The following FGF14 variants were observed in gnomAD, a reference collection of about 807,000 sequenced individuals.
FGF14 encodes the protein fibroblast growth factor homologous factor 4.
In FGF14, 5 loss-of-function variants were observed where a neutral mutation model predicts 25.5. The observed-to-expected ratio is 0.20, with a 90% confidence interval of 0.10 to 0.41. The LOEUF (loss-of-function observed/expected upper bound fraction) is 0.41, where lower values mean the gene tolerates loss of function less well. Ranked by LOEUF, FGF14 falls within the 10% of genes least tolerant of loss-of-function variation. The pLI, the probability that FGF14 is intolerant of heterozygous loss-of-function variation, is 1.00. For synonymous variants in FGF14, 138 were observed against 118.3 expected (o/e 1.17, Z -1.08); for missense variants, 222 against 320.1 (o/e 0.69, Z 2.34).
chr13:101,861,733 C>A (rs562649691), intron 3 of FGF14, among the ~76,000 whole-genome samples: 5 of 152,008 alleles, frequency 3.3e-5, no homozygotes, highest in Non-Finnish European at 7.4e-5. Context: ...CATACACACA[C>A]GCACATTATC....
chr13:102,191,651 T>C (rs1484421139), intron 1 of FGF14, among the ~76,000 whole-genome samples: 2 of 152,192 alleles, frequency 1.3e-5, no homozygotes, highest in Non-Finnish European at 2.9e-5. Flanking sequence ...ACCCCCAAGA[T>C]GTCCTTCTCA....
At chr13:101,924,147 T>A (rs935596950) in intron 1 of FGF14, among the ~76,000 whole-genome samples, 5 of 152,066 alleles carry the variant, frequency 3.3e-5, no homozygotes, top group East Asian at 1.9e-4. Flanking sequence ...ATTACTCAAT[T>A]TCCAAGAAAG....
intron 1 of FGF14, among the ~76,000 whole-genome samples, chr13:102,025,521 G>C (rs992015073): frequency 2.0e-5 from 3 of 151,910 alleles, no homozygotes; most frequent in African/African-American, 7.3e-5. Context: ...TGATTCTCAT[G>C]CTTCAGCCTT....
At chr13:102,266,819 T>C (rs2141141285) in intron 1 of FGF14, among the ~76,000 whole-genome samples, 1 of 152,022 alleles carries the variant, frequency 6.6e-6, no homozygotes, top group Non-Finnish European at 1.5e-5. Context: ...CTGAAATCAG[T>C]AAGAAAGGTA....
chr13:102,328,379 T>C (rs912409896), intron 1 of FGF14, among the ~76,000 whole-genome samples: 7 of 152,232 alleles, frequency 4.6e-5, no homozygotes, highest in African/African-American at 1.7e-4. Flanking sequence ...CTAAAATAGG[T>C]GAATTTGTCT....
chr13:102,064,508 G>GA (rs1360247374), intron 1 of FGF14, among the ~76,000 whole-genome samples: 2 of 151,412 alleles, frequency 1.3e-5, no homozygotes, highest in African/African-American at 2.4e-5. Context: ...ATGGAAATTT[G>GA]AAAAAACAAA....
chr13:101,726,862 G>A (rs1355008109), intron 3 of FGF14, 52 bp from the exon 4 acceptor site: 1 of 1,349,236 alleles, frequency 7.4e-7, no homozygotes. Flanking sequence ...GATCTTCACT[G>A]TACATTCTAC....
chr13:102,074,454 C>CATT (rs1381493122), intron 1 of FGF14, among the ~76,000 whole-genome samples: 2 of 152,206 alleles, frequency 1.3e-5, no homozygotes, highest in African/African-American at 2.4e-5. Flanking sequence ...TACAACTATT[C>CATT]ATTAAACAAG....
At chr13:102,369,601 T>G (rs2057817000) in intron 1 of FGF14, among the ~76,000 whole-genome samples, 1 of 152,168 alleles carries the variant, frequency 6.6e-6, no homozygotes, top group South Asian at 2.1e-4. Flanking sequence ...CCTTACCTGT[T>G]CAAGGTTATC....
chr13:102,370,831 G>C (rs893244163), intron 1 of FGF14, among the ~76,000 whole-genome samples: 2 of 151,330 alleles, frequency 1.3e-5, no homozygotes, highest in Non-Finnish European at 2.9e-5. Flanking sequence ...TTTGTTAGGA[G>C]AGAAACCCTG....
intron 1 of FGF14, among the ~76,000 whole-genome samples, chr13:102,132,034 G>A (rs547995700): frequency 1.3e-5 from 2 of 151,510 alleles, no homozygotes; most frequent in African/African-American, 2.4e-5. Flanking sequence ...TTTTGTTTTG[G>A]TTTTTTTTGC....
At chr13:101,894,183 A>G (rs2030251570) in intron 1 of FGF14, among the ~76,000 whole-genome samples, 1 of 152,180 alleles carries the variant, frequency 6.6e-6, no homozygotes, top group Non-Finnish European at 1.5e-5. Flanking sequence ...AACTCCTGCT[A>G]AGATTGGATT....
intron 1 of FGF14, among the ~76,000 whole-genome samples, chr13:102,385,204 C>T (rs894398359): frequency 1.3e-5 from 2 of 152,120 alleles, no homozygotes; most frequent in Non-Finnish European, 1.5e-5. Context: ...TTTTCTTTTG[C>T]ATCTTATTTT....
At chr13:102,312,912 G>A (rs1016758708) in intron 1 of FGF14, among the ~76,000 whole-genome samples, 5 of 152,150 alleles carry the variant, frequency 3.3e-5, no homozygotes, top group Admixed American at 2.0e-4. Flanking sequence ...TCCAGAGCTC[G>A]GCAGGTACAT....
At chr13:101,784,513 AG>A (rs1014937103) in intron 3 of FGF14, among the ~76,000 whole-genome samples, 8 of 152,172 alleles carry the variant, frequency 5.3e-5, no homozygotes, top group Admixed American at 5.2e-4. Context: ...TTTGTGCTCC[AG>A]GGAGCAAATT....
intron 1 of FGF14, among the ~76,000 whole-genome samples, chr13:101,977,742 A>G (rs555473874): frequency 6.6e-6 from 1 of 152,300 alleles, no homozygotes; most frequent in Non-Finnish European, 1.5e-5. Context: ...AACAAAAACA[A>G]AAAATGTTCC....
intron 1 of FGF14, among the ~76,000 whole-genome samples, chr13:102,200,006 C>A (rs950465605): frequency 9.2e-5 from 14 of 152,152 alleles, no homozygotes; most frequent in Non-Finnish European, 1.9e-4. Context: ...CATCCAGAGA[C>A]AGGTGTTAAA....
chr13:101,814,591 T>C (rs899253164), intron 3 of FGF14, among the ~76,000 whole-genome samples: 1 of 152,210 alleles, frequency 6.6e-6, no homozygotes, highest in African/African-American at 2.4e-5. Flanking sequence ...CTTTCATCCC[T>C]ACCCCCAAGT....
In FGF14 at chr13:101,711,566, A is replaced by G. The variant is rs1350962278; in HGVS notation, c.*11265T>C. On this transcript the variant is annotated 3_prime_UTR_variant, in exon 5 of 5. Coordinates refer to ENST00000376143, the MANE Select transcript of FGF14 (RefSeq NM_004115.4). ...GCCTGGAGATACATCACAGATAGGC[A>G]GATCACTAAAAAGAAGAGTGGATTG... 1 of 152,272 alleles carries G rather than the reference A, an allele frequency of 6.6e-6. No homozygotes were observed. The highest frequency in any genetic ancestry group is 1.5e-5 in the Non-Finnish European group (1 of 68,066). 9.4% of individuals were successfully genotyped at this position (152,272 alleles called of 1,614,324 possible). A position where few individuals can be genotyped will look rare whatever the true frequency, so the allele number is the denominator to read the frequency against.
Sources: gnomAD v4.1 joint callset for allele counts (sites outside exome capture counted in the v4.1 genomes callset) on GRCh38, gnomAD v4.1.1 for gene constraint, MANE v1.5 for transcripts, NCBI Gene and HGNC (gene_info 2026-07-23, HGNC 2026-07-21) for gene names.